MAST1: variants seen among roughly 807,000 people sequenced by gnomAD.
MAST1 encodes microtubule associated serine/threonine kinase 1.
MAST1 carries 40 observed loss-of-function variants against 124.6 expected under a neutral mutation model. That is an observed-to-expected ratio of 0.32 (90% CI 0.25 to 0.42). The LOEUF (loss-of-function observed/expected upper bound fraction) is 0.42. Among genes scored for constraint, MAST1 ranks in the 10% least tolerant of loss-of-function variants. The probability of loss-of-function intolerance (pLI) is 1.00; values close to 1 mark genes in which losing one functional copy is unlikely to be tolerated. For missense variants in MAST1, 1,558 were observed against 2,181.9 expected (o/e 0.71, Z 5.70); for synonymous variants, 938 against 939.4 (o/e 1.00, Z 0.03).
At position 12,865,016 on chromosome 19, in the gene MAST1, C is replaced by T; in HGVS notation, c.1506-30C>T. On this transcript the variant is annotated intron_variant, in intron 13 of 25. Coordinates refer to ENST00000251472, the MANE Select transcript of MAST1 (RefSeq NM_014975.3). This position sits in a 1 kb window ranked among gnomAD's most constrained non-coding sequence, Gnocchi z 7.1. ...GCCAGGAGGCAGAATGGACGGGCCTCATCCCTGAGATCCCCACCTGTGCCT... is the reference window on the plus strand; with the variant it reads ...GCCAGGAGGCAGAATGGACGGGCCTTATCCCTGAGATCCCCACCTGTGCCT... 6.2e-7 allele frequency: 1 copy of T among 1,613,744 alleles called. No individual in the cohort carries two copies. Among genetic ancestry groups the T allele is most frequent in the Non-Finnish European group, 8.5e-7 (1 of 1,179,686 alleles).
rs2145910700 is a variant in MAST1, at chr19:12,868,650, T to C, written c.2574T>C (p.Arg858=). ...SSAGDSEATD[R]PRPGDLCPPS... ...ACTTGCTTTCTGTTGCAGCTGACCG[T>C]CCACGCCCAGGTGACCTCTGCCCAC... Residue 858 remains arginine, a synonymous_variant, in exon 21 of 26, where the codon CGT becomes CGC. Coordinates refer to ENST00000251472, the MANE Select transcript of MAST1 (RefSeq NM_014975.3). 1.3e-6 allele frequency: 2 copies of C among 1,591,718 alleles called. No homozygotes were observed. Among genetic ancestry groups the C allele is most frequent in the Middle Eastern group, 3.4e-4 (2 of 5,882 alleles).
At chr19:12,855,637 C>G (rs1367241191) in intron 10 of MAST1, among the ~76,000 whole-genome samples, 1 of 152,158 alleles carries the variant, frequency 6.6e-6, no homozygotes, top group African/African-American at 2.4e-5. Flanking sequence ...TCTATACAGT[C>G]ACACAGATAT....
intron 23 of MAST1, 31 bp downstream of exon 23, chr19:12,870,977 G>A (rs1970226258): frequency 6.2e-7 from 1 of 1,613,410 alleles, no homozygotes; most frequent in Non-Finnish European, 8.5e-7. Context: ...ACCCTGGGCG[G>A]AGGGTGGGGG....
Position 12,838,579 on chromosome 19 carries a change from G to A in MAST1, c.7G>A (p.Asp3Asn), listed in dbSNP as rs753835245. 6.3e-7 allele frequency: 1 copy of A among 1,585,322 alleles called. No homozygotes were observed. Residue 3 changes from aspartate to asparagine, a missense_variant, in exon 1 of 26, where the codon GAC becomes AAC. Physicochemically the swap from Asp to Asn is conservative, Grantham distance 23. Coordinates refer to ENST00000251472, the MANE Select transcript of MAST1 (RefSeq NM_014975.3). This position sits in a 1 kb window ranked among gnomAD's most constrained non-coding sequence, Gnocchi z 4.3. ...ATGTCGCCGCCGCCGGGTCATGTCTGACTCTCTCTGGACCGCGCTTTCTAA... is the reference window on the plus strand; with the variant it reads ...ATGTCGCCGCCGCCGGGTCATGTCTAACTCTCTCTGGACCGCGCTTTCTAA... MS[D>N]SLWTALSNFS...
intron 12 of MAST1, among the ~76,000 whole-genome samples, chr19:12,860,879 C>A (rs751154783): frequency 1.3e-5 from 2 of 152,040 alleles, no homozygotes; most frequent in Non-Finnish European, 2.9e-5. Context: ...CTCCTCCAAG[C>A]CTTCCAGTCA....
At chr19:12,840,349 G>C in intron 1 of MAST1, 97 bp from the exon 2 acceptor site, 2 of 769,214 alleles carry the variant, frequency 2.6e-6, no homozygotes, top group Non-Finnish European at 2.2e-6. Flanking sequence ...ATGGATGGGA[G>C]ATAGGCGGGG....
Position 12,851,936 on chromosome 19 carries a change from C to T in MAST1, c.777C>T (p.Ala259=), listed in dbSNP as rs147986407. The T allele has an allele frequency of 9.6e-5, 155 of 1,613,252 alleles. No homozygotes were observed. The African/African-American group carries it at 1.9e-3, about 20-fold the overall frequency. ...QENLEKLLQD[A]YERSESLEVA... is the part of the protein sequence containing the mutation. The stretch of plus-strand genomic sequence containing the variant: ...TCCCTCTGTGTCCCCTGCCACAGGC[C>T]TATGAACGCTCTGAGAGCTTGGAGG... The change falls in exon 8 of 26, where the codon GCC becomes GCT. Residue 259 remains alanine, a splice_region_variant and synonymous_variant. Transcript: ENST00000251472.
Position 12,843,138 on chromosome 19 carries a change from G to A in MAST1, c.249-391G>A, listed in dbSNP as rs150791367. 2.6e-5 allele frequency among the ~76,000 whole-genome samples: 4 copies of A among 152,116 alleles called. No individual in the cohort carries two copies. The highest frequency in any genetic ancestry group is 7.2e-5 in the African/African-American group (3 of 41,412). On this transcript the variant is annotated intron_variant, in intron 3 of 25. Transcript: ENST00000251472. This position sits in a 1 kb window ranked among gnomAD's most constrained non-coding sequence, Gnocchi z 4.9. ...CAATATTCTATGTCAGAACATGTTG[G>A]GGGGTGGGACGGGTCTTTTTTCTCT...
chr19:12,868,292 A>G (rs1970188032), intron 20 of MAST1, among the ~76,000 whole-genome samples: 1 of 151,580 alleles, frequency 6.6e-6, no homozygotes, highest in Non-Finnish European at 1.5e-5. Context: ...TATTTTTAGT[A>G]GAGACAGGGT....
chr19:12,859,992 G>A (rs1345308203), intron 12 of MAST1, among the ~76,000 whole-genome samples: 9 of 151,118 alleles, frequency 6.0e-5, no homozygotes, highest in South Asian at 4.2e-4. Flanking sequence ...ACGAGCCACC[G>A]AGCCCATCCC....
In MAST1 at chr19:12,841,208, G is replaced by A. The variant is rs1969822809; in HGVS notation, c.248+142G>A. 1.6e-6 allele frequency: 1 copy of A among 610,196 alleles called. No individual in the cohort carries two copies. The highest frequency in any genetic ancestry group is 3.0e-5 in the Admixed American group (1 of 32,964). 37.8% of individuals were successfully genotyped at this position (610,196 alleles called of 1,614,324 possible). ...GAGTGCCCCAAGGTCTCAGCGGGAA[G>A]GAGCGCCTAGCCTTCGGGGCGGGGC... On this transcript the variant is annotated intron_variant, in intron 3 of 25. Transcript: ENST00000251472. This position sits in a 1 kb window ranked among gnomAD's most constrained non-coding sequence, Gnocchi z 4.3.
Position 12,865,649 on chromosome 19 carries a change from C to T in MAST1, c.1805-68C>T, listed in dbSNP as rs1970142539. On this transcript the variant is annotated intron_variant, in intron 15 of 25. Transcript: ENST00000251472. The surrounding 1 kb of genome is among the most constrained non-coding windows in gnomAD (Gnocchi z 7.1). ...GCCACTGCACTCCAGCTGGGTGACA[C>T]AGTGAGATCCTGTGTCCAAACAACA... 3 of 1,471,566 alleles carry T rather than the reference C, an allele frequency of 2.0e-6. No individual in the cohort carries two copies. The highest frequency in any genetic ancestry group is 2.8e-6 in the Non-Finnish European group (3 of 1,070,646). 91.2% of individuals were successfully genotyped at this position (1,471,566 alleles called of 1,614,324 possible).
chr19:12,874,517 G>A lies in MAST1; in HGVS notation c.4360G>A (p.Gly1454Ser). 6.5e-7 allele frequency: 1 copy of A among 1,537,754 alleles called. No homozygotes were observed. ...TAAGGCTGTGGTGCCTCAGCCTCTG[G>A]GCGCGGACTCCAAGGGGTTGCAGGA... ...GAKAVVPQPL[G>S]ADSKGLQEPA... Residue 1454 changes from glycine to serine, a missense_variant, in exon 26 of 26, where the codon GGC becomes AGC. By Grantham distance (56) the Gly-to-Ser change is moderately conservative. This residue lies in a region of MAST1 where 263 missense variants were observed against 310.9 expected (regional missense o/e 0.85). Transcript: ENST00000251472. This position sits in a 1 kb window ranked among gnomAD's most constrained non-coding sequence, Gnocchi z 6.6.
At chr19:12,871,225 G>C in intron 24 of MAST1, 53 bp downstream of exon 24, 4 of 1,609,768 alleles carry the variant, frequency 2.5e-6, no homozygotes, top group Middle Eastern at 1.9e-4. Flanking sequence ...GAACTTAGGC[G>C]GGAGGGGCAC....
chr19:12,845,875 T>C (rs1157569638), intron 4 of MAST1, among the ~76,000 whole-genome samples: 3 of 152,000 alleles, frequency 2.0e-5, no homozygotes, highest in South Asian at 4.1e-4. Flanking sequence ...GCCAGGCTGG[T>C]CTAGAACTCC....
At position 12,865,537 on chromosome 19, in the gene MAST1, A is replaced by T; in HGVS notation, c.1804+56A>T. ...GTGTGGTGTGCACGGAGAGATGGAC[A>T]GGCTCAGGGTTCCAGGGATTTCAAA... On this transcript the variant is annotated intron_variant, in intron 15 of 25. Transcript: ENST00000251472. The surrounding 1 kb of genome is among the most constrained non-coding windows in gnomAD (Gnocchi z 7.1). The T allele has an allele frequency of 6.5e-7, 1 of 1,531,912 alleles. No homozygotes were observed. Among genetic ancestry groups the T allele is most frequent in the Non-Finnish European group, 8.8e-7 (1 of 1,138,874 alleles). 94.9% of individuals were successfully genotyped at this position (1,531,912 alleles called of 1,614,324 possible). A position where few individuals can be genotyped will look rare whatever the true frequency, so the allele number is the denominator to read the frequency against.
chr19:12,865,889 C>G lies in MAST1; in HGVS notation c.1906+71C>G. ...AGGCCTCCAAAACCCCAGGCCCAGC[C>G]TGTGCTGTGGCCCCGGGGCGGAAGA... On this transcript the variant is annotated intron_variant, in intron 16 of 25. Coordinates refer to ENST00000251472, the MANE Select transcript of MAST1 (RefSeq NM_014975.3). This position sits in a 1 kb window ranked among gnomAD's most constrained non-coding sequence, Gnocchi z 7.1. 6.2e-7 allele frequency: 1 copy of G among 1,605,604 alleles called. No individual in the cohort carries two copies. The highest frequency in any genetic ancestry group is 8.5e-7 in the Non-Finnish European group (1 of 1,174,248).
chr19:12,844,479 G>A (rs1969867944), intron 4 of MAST1, among the ~76,000 whole-genome samples: 1 of 152,210 alleles, frequency 6.6e-6, no homozygotes, highest in Admixed American at 6.5e-5. Context: ...AAATAGAATG[G>A]TCAGAACTTT....
Position 12,874,174 on chromosome 19 carries a change from C to A in MAST1, c.4017C>A (p.Ser1339Arg), listed in dbSNP as rs1298077269. 2 of 1,541,816 alleles carry A rather than the reference C, an allele frequency of 1.3e-6. No homozygotes were observed. The highest frequency in any genetic ancestry group is 1.4e-5 in the African/African-American group (1 of 73,206). Residue 1339 changes from serine to arginine, a missense_variant, in exon 26 of 26, where the codon AGC (serine) becomes AGA (arginine). Transcript: ENST00000251472. The surrounding 1 kb of genome is among the most constrained non-coding windows in gnomAD (Gnocchi z 6.6). The part of the protein sequence containing the change: ...RRLGRQESPL[S>R]LGADPLLPEG... ...TGGGCCGACAGGAGTCACCTTTGAGCCTGGGCGCGGACCCGTTGCTGCCCG... is the reference window on the plus strand; with the variant it reads ...TGGGCCGACAGGAGTCACCTTTGAGACTGGGCGCGGACCCGTTGCTGCCCG...
Sources: allele counts gnomAD v4.1 joint callset (sites outside exome capture counted in the v4.1 genomes callset), GRCh38; gene constraint gnomAD v4.1.1; regional missense constraint gnomAD v4.1.1; non-coding constraint Gnocchi (gnomAD v3.1); transcripts MANE v1.5; gene names NCBI Gene and HGNC (gene_info 2026-07-23, HGNC 2026-07-21).